CEP83: variants seen among roughly 807,000 people sequenced by gnomAD.
CEP83 encodes the protein centrosomal protein of 83 kDa.
Under a neutral mutation model 101.9 loss-of-function variants are expected in CEP83, and 70 were observed. That is an observed-to-expected ratio of 0.69 (90% CI 0.57 to 0.84). The LOEUF (loss-of-function observed/expected upper bound fraction) is 0.84. Ranked by LOEUF, CEP83 falls within the 40% of genes least tolerant of loss-of-function variation. The pLI, the probability that CEP83 is intolerant of heterozygous loss-of-function variation, is 0.00. For missense variants in CEP83, 715 were observed against 787.2 expected (o/e 0.91, Z 1.10); for synonymous variants, 264 against 267.9 (o/e 0.99, Z 0.14).
intron 11 of CEP83, among the ~76,000 whole-genome samples, chr12:94,366,809 A>T (rs1184014335): frequency 6.6e-6 from 1 of 152,166 alleles, no homozygotes; most frequent in African/African-American, 2.4e-5. Flanking sequence ...TGGGGCAGGG[A>T]AAGTGAAAGA....
At chr12:94,450,092 T>C (rs2067137562) in intron 1 of CEP83, among the ~76,000 whole-genome samples, 1 of 152,126 alleles carries the variant, frequency 6.6e-6, no homozygotes, top group South Asian at 2.1e-4. Context: ...CCCCTAAGAC[T>C]GGGAGTAATG....
intron 6 of CEP83, among the ~76,000 whole-genome samples, chr12:94,380,571 T>C (rs1033275696): frequency 6.6e-6 from 1 of 152,174 alleles, no homozygotes; most frequent in Admixed American, 6.5e-5. Flanking sequence ...GAACTTGGGC[T>C]AGCTGATCTT....
intron 6 of CEP83, among the ~76,000 whole-genome samples, chr12:94,398,611 GCA>G (rs2063050748): frequency 6.6e-6 from 1 of 152,100 alleles, no homozygotes; most frequent in African/African-American, 2.4e-5. Flanking sequence ...TGAAATCAGT[GCA>G]CCTTGAAAAA....
chr12:94,343,744 C>T (rs2059809534), intron 11 of CEP83, among the ~76,000 whole-genome samples: 2 of 151,576 alleles, frequency 1.3e-5, no homozygotes, highest in Non-Finnish European at 1.5e-5. Flanking sequence ...CCACCCGCCT[C>T]GGCCTCCCAA....
At chr12:94,369,798 CAAA>C in intron 9 of CEP83, 121 bp downstream of exon 9, 1 of 602,356 alleles carries the variant, frequency 1.7e-6, no homozygotes, top group Non-Finnish European at 2.9e-6. Flanking sequence ...ATATGTACTC[CAAA>C]ATTAAAACTA....
chr12:94,395,300 G>A (rs1005191327), intron 6 of CEP83, among the ~76,000 whole-genome samples: 7 of 150,822 alleles, frequency 4.6e-5, no homozygotes, highest in African/African-American at 4.9e-5. Flanking sequence ...AAACCTACAC[G>A]TTGTGCACAT....
chr12:94,391,740 C>G (rs1052953170), intron 6 of CEP83, among the ~76,000 whole-genome samples: 2 of 151,708 alleles, frequency 1.3e-5, no homozygotes, highest in Non-Finnish European at 2.9e-5. Context: ...ACCCATCTCA[C>G]GTGCAAAGAC....
chr12:94,403,169 C>G lies in CEP83; in HGVS notation c.417+1G>C, dbSNP rs1166686482. The G allele has an allele frequency of 2.8e-6, 4 of 1,449,870 alleles. No homozygotes were observed. Among genetic ancestry groups the G allele is most frequent in the Non-Finnish European group, 3.9e-6 (4 of 1,033,002 alleles). The allele number at this position is 1,449,870 out of a possible 1,614,324, so 89.8% of individuals were successfully genotyped here. The stretch of plus-strand genomic sequence containing the variant: ...CATAGTAAACAACATAAGTTACTTA[C>G]TTCATCTAGATTCCTAAAACGTTCT... On this transcript the variant is annotated splice_donor_variant, in intron 5 of 16. Coordinates refer to ENST00000397809, the MANE Select transcript of CEP83 (RefSeq NM_016122.3). LOFTEE classifies it high-confidence loss of function.
Position 94,400,970 on chromosome 12 carries a change from C to T in CEP83, c.429G>A (p.Lys143=). 2 of 1,406,360 alleles carry T rather than the reference C, an allele frequency of 1.4e-6. No homozygotes were observed. Among genetic ancestry groups the T allele is most frequent in the Non-Finnish European group, 1.9e-6 (2 of 1,072,302 alleles). 87.1% of individuals were successfully genotyped at this position (1,406,360 alleles called of 1,614,324 possible). Residue 143 remains lysine (K), a synonymous_variant, in exon 6 of 17, where the codon AAG becomes AAA. Coordinates refer to ENST00000397809, the MANE Select transcript of CEP83 (RefSeq NM_016122.3). The stretch of plus-strand genomic sequence containing the variant: ...GAAGCTTATTATATACAGCTCTATA[C>T]TTTTCTACCTCCTAAAGGGAGAATG... ...RFRNLDEEVE[K]YRAVYNKLRY...
At chr12:94,418,482 C>T (rs532475338) in intron 2 of CEP83, among the ~76,000 whole-genome samples, 49 of 152,238 alleles carry the variant, frequency 3.2e-4, no homozygotes, top group African/African-American at 1.1e-3. Flanking sequence ...AGAAATTACT[C>T]GGCTGAACAA....
chr12:94,454,176 A>G (rs2067467274), intron 1 of CEP83, among the ~76,000 whole-genome samples: 1 of 152,202 alleles, frequency 6.6e-6, no homozygotes, highest in Non-Finnish European at 1.5e-5. Context: ...GAAGTAATAC[A>G]AAAATGTTAT....
chr12:94,383,176 T>C (rs548741719), intron 6 of CEP83, among the ~76,000 whole-genome samples: 1 of 152,208 alleles, frequency 6.6e-6, no homozygotes, highest in East Asian at 1.9e-4. Flanking sequence ...CTCTATCTGA[T>C]ATTAATACTG....
intron 1 of CEP83, among the ~76,000 whole-genome samples, chr12:94,447,163 A>T (rs2066871475): frequency 2.0e-5 from 3 of 152,196 alleles, no homozygotes; most frequent in African/African-American, 7.2e-5. Flanking sequence ...GCTGTGAGAC[A>T]TGCCTTATGA....
At chr12:94,338,666 G>A (rs935305639) in intron 11 of CEP83, among the ~76,000 whole-genome samples, 1 of 152,190 alleles carries the variant, frequency 6.6e-6, no homozygotes, top group African/African-American at 2.4e-5. Context: ...GTTTTAATGA[G>A]TAGGTGATAG....
At chr12:94,439,199 A>G (rs984870109) in intron 1 of CEP83, among the ~76,000 whole-genome samples, 1 of 152,154 alleles carries the variant, frequency 6.6e-6, no homozygotes, top group African/African-American at 2.4e-5. Context: ...TTGAAACACA[A>G]CAACAAGAAC....
intron 8 of CEP83, among the ~76,000 whole-genome samples, chr12:94,373,741 C>T (rs1566016942): frequency 6.6e-6 from 1 of 152,182 alleles, no homozygotes; most frequent in Non-Finnish European, 1.5e-5. Context: ...ACTGACATAA[C>T]TTTGTTCTAA....
intron 2 of CEP83, among the ~76,000 whole-genome samples, chr12:94,420,619 T>C (rs897017831): frequency 2.6e-5 from 4 of 152,186 alleles, no homozygotes; most frequent in Admixed American, 2.6e-4. Flanking sequence ...CAGCTTTCGT[T>C]ACTGTTAGTG....
the CEP83 span, among the ~76,000 whole-genome samples, chr12:94,270,448 T>C: frequency 6.6e-6 from 1 of 152,150 alleles, no homozygotes; most frequent in Non-Finnish European, 1.5e-5. Context: ...TAGTAGAGAA[T>C]AGGAACCAGA....
chr12:94,274,155 TAAAAAAAAAAAAAA>T, the CEP83 span, among the ~76,000 whole-genome samples: 7 of 45,376 alleles, frequency 1.5e-4, no homozygotes, highest in South Asian at 1.6e-3. Context: ...ACCCTGTCTC[TAAAAAAAAAAAAAA>T]AAAAAAAAAA....
Sources: allele counts gnomAD v4.1 joint callset (sites outside exome capture counted in the v4.1 genomes callset), GRCh38; gene constraint gnomAD v4.1.1; transcripts MANE v1.5; gene names NCBI Gene and HGNC (gene_info 2026-07-23, HGNC 2026-07-21).